SLC38A6: variants seen among roughly 807,000 people sequenced by gnomAD.
SLC38A6 encodes N system amino acid transporter NAT-1.
Under a neutral mutation model 65.0 loss-of-function variants are expected in SLC38A6, and 73 were observed. The ratio of observed to expected loss-of-function variants is 1.12; its 90% CI spans 0.93 to 1.37. The LOEUF is 1.37. Among genes scored for constraint, SLC38A6 ranks in the 40% most tolerant of loss-of-function variants. The probability of loss-of-function intolerance (pLI) is 0.00; values close to 1 mark genes in which losing one functional copy is unlikely to be tolerated. For synonymous variants in SLC38A6, 183 were observed against 178.8 expected (o/e 1.02, Z -0.19); for missense variants, 561 against 531.1 (o/e 1.06, Z -0.55).
At chr14:61,083,460 A>G (rs1281240428) in intron 16 of SLC38A6, 1 of 1,469,636 alleles carries the variant, frequency 6.8e-7, no homozygotes, top group Non-Finnish European at 9.0e-7. Context: ...TCAGAATGCA[A>G]CTGTATTTGG....
rs200014664 is a variant in SLC38A6 at position 60,990,727 on chromosome 14, C to CCT, written c.310+5926_310+5927dup. On this transcript the variant is annotated intron_variant, in intron 3 of 15. Coordinates refer to ENST00000267488, the MANE Select transcript of SLC38A6 (RefSeq NM_153811.3). Reference sequence around the variant, plus strand: ...AGCTCACTGCAGCCTCGACCTCCTGCCTCAGCCTCCCGGGTAGCTGGTAAT... The same window carrying CCT: ...AGCTCACTGCAGCCTCGACCTCCTGCCTCTCAGCCTCCCGGGTAGCTGGTAAT... 8.5e-3 allele frequency among the ~76,000 whole-genome samples: 1,293 copies of CCT among 152,204 alleles called. 22 individuals are homozygous for CCT. The highest frequency in any genetic ancestry group is 0.029 in the African/African-American group (1,220 of 41,526).
intron 12 of SLC38A6, among the ~76,000 whole-genome samples, chr14:61,046,476 T>G (rs569622196): frequency 5.3e-5 from 8 of 152,354 alleles, no homozygotes; most frequent in African/African-American, 1.7e-4. Context: ...CTGTTTTTCT[T>G]AAATTTTGAA....
At chr14:61,017,595 TATAAC>T (rs1275950900) in intron 4 of SLC38A6, among the ~76,000 whole-genome samples, 2 of 152,216 alleles carry the variant, frequency 1.3e-5, no homozygotes, top group African/African-American at 4.8e-5. Context: ...CCACAATTAA[TATAAC>T]ATAACCTATA....
At chr14:61,068,008 A>G (rs143350830) in intron 15 of SLC38A6, among the ~76,000 whole-genome samples, 90 of 152,270 alleles carry the variant, frequency 5.9e-4, no homozygotes, top group East Asian at 5.0e-3. Context: ...TTATTAATCT[A>G]TACTTTGGAT....
At chr14:60,986,055 C>A (rs1300869051) in intron 3 of SLC38A6, among the ~76,000 whole-genome samples, 3 of 152,250 alleles carry the variant, frequency 2.0e-5, no homozygotes, top group African/African-American at 7.2e-5. Flanking sequence ...ACCTCCAACA[C>A]TGGGGATCTG....
chr14:60,986,366 A>G (rs564499698), intron 3 of SLC38A6, among the ~76,000 whole-genome samples: 28 of 152,362 alleles, frequency 1.8e-4, no homozygotes, highest in African/African-American at 6.7e-4. Flanking sequence ...CATAGTTTAT[A>G]GCTCTAACTT....
At chr14:61,009,271 G>A (rs2039372265) in intron 3 of SLC38A6, among the ~76,000 whole-genome samples, 1 of 152,136 alleles carries the variant, frequency 6.6e-6, no homozygotes, top group African/African-American at 2.4e-5. Flanking sequence ...TACATACAGA[G>A]AGATGTCAGA....
intron 16 of SLC38A6, among the ~76,000 whole-genome samples, chr14:61,083,134 A>G (rs2043721789): frequency 6.6e-6 from 1 of 152,168 alleles, no homozygotes; most frequent in African/African-American, 2.4e-5. Flanking sequence ...GGACTGTAGC[A>G]ATGGATTCCC....
intron 3 of SLC38A6, among the ~76,000 whole-genome samples, chr14:61,000,306 G>A (rs1167198556): frequency 6.6e-6 from 1 of 152,202 alleles, no homozygotes; most frequent in Non-Finnish European, 1.5e-5. Flanking sequence ...AAACATGCAA[G>A]GCAAAAATTA....
chr14:61,014,263 G>T (rs545442017), intron 3 of SLC38A6, among the ~76,000 whole-genome samples: 54 of 152,146 alleles, frequency 3.5e-4, no homozygotes, highest in Non-Finnish European at 4.4e-5. Flanking sequence ...CTCTGCATTG[G>T]TTATTCTAGT....
At chr14:61,055,100 C>CTTTTTG, downstream of SLC38A6, among the ~76,000 whole-genome samples, 1 of 31,856 alleles carries the variant, frequency 3.1e-5, no homozygotes, top group South Asian at 7.7e-4. Flanking sequence ...TTTTTTAAGT[C>CTTTTTG]TTTTTCTTTT....
intron 3 of SLC38A6, 26 bp from the exon 4 acceptor site, chr14:61,015,878 G>A (rs2039974827): frequency 2.5e-6 from 4 of 1,586,322 alleles, no homozygotes; most frequent in African/African-American, 1.4e-5. Flanking sequence ...TTGTGTAAAA[G>A]TGAACATTGT....
intron 3 of SLC38A6, among the ~76,000 whole-genome samples, chr14:61,009,511 A>G (rs2039394824): frequency 6.6e-6 from 1 of 151,974 alleles, no homozygotes; most frequent in Non-Finnish European, 1.5e-5. Context: ...AGCATTAGGT[A>G]TATCTCCTAA....
chr14:61,038,161 A>G (rs2041529388), intron 8 of SLC38A6, among the ~76,000 whole-genome samples: 1 of 152,154 alleles, frequency 6.6e-6, no homozygotes, highest in Non-Finnish European at 1.5e-5. Flanking sequence ...TTTATTCAGC[A>G]TAGATAAATT....
chr14:61,026,804 T>C (rs185036387), intron 5 of SLC38A6, among the ~76,000 whole-genome samples: 3 of 152,136 alleles, frequency 2.0e-5, no homozygotes, highest in Admixed American at 6.6e-5. Flanking sequence ...AAATAAGTAA[T>C]ATGTACCTCA....
At chr14:60,996,485 T>G (rs1185997256) in intron 3 of SLC38A6, among the ~76,000 whole-genome samples, 1 of 151,742 alleles carries the variant, frequency 6.6e-6, no homozygotes, top group Non-Finnish European at 1.5e-5. Flanking sequence ...ATAAGAAAAT[T>G]AGAAGATCAG....
At chr14:61,054,094 C>T (rs2042624248), downstream of SLC38A6, among the ~76,000 whole-genome samples, 1 of 152,138 alleles carries the variant, frequency 6.6e-6, no homozygotes, top group Admixed American at 6.5e-5. Flanking sequence ...CTGCATATGG[C>T]TAGCCAGTCA....
intron 3 of SLC38A6, among the ~76,000 whole-genome samples, chr14:61,011,584 G>A (rs957340833): frequency 2.0e-5 from 3 of 152,160 alleles, no homozygotes; most frequent in African/African-American, 4.8e-5. Flanking sequence ...AGAGTTTTTA[G>A]CATGAATGGG....
Position 61,021,996 on chromosome 14 carries a change from A to G in SLC38A6, c.403+2416A>G, listed in dbSNP as rs530010467. Among the ~76,000 whole-genome samples, 5 of 152,028 alleles carry G rather than the reference A, an allele frequency of 3.3e-5. No individual in the cohort carries two copies. The South Asian group carries it at 1.0e-3, about 32-fold the overall frequency. Reference sequence around the variant, plus strand: ...TGTCTTGTGGAAATCCCTCACTCTCACTGTCTTGGCTTCAGTTCCCTCTTT... The same window carrying G: ...TGTCTTGTGGAAATCCCTCACTCTCGCTGTCTTGGCTTCAGTTCCCTCTTT... On this transcript the variant is annotated intron_variant, in intron 5 of 15. Coordinates refer to ENST00000267488, the MANE Select transcript of SLC38A6 (RefSeq NM_153811.3).
Sources: gnomAD v4.1 joint callset for allele counts (sites outside exome capture counted in the v4.1 genomes callset) on GRCh38, gnomAD v4.1.1 for gene constraint, MANE v1.5 for transcripts, NCBI Gene and HGNC (gene_info 2026-07-23, HGNC 2026-07-21) for gene names.